GAB2: variants seen among roughly 807,000 people sequenced by gnomAD.
GAB2 encodes GRB2-associated-binding protein 2.
Under a neutral mutation model 65.5 loss-of-function variants are expected in GAB2, and 26 were observed. The ratio of observed to expected loss-of-function variants is 0.40; its 90% CI spans 0.29 to 0.55. The LOEUF (loss-of-function observed/expected upper bound fraction) is 0.55. GAB2 is among the 20% of genes least tolerant of loss of function. The pLI is 0.53. For synonymous variants in GAB2, 321 were observed against 329.6 expected, an observed-to-expected ratio of 0.97 and a Z score of 0.28; for missense variants, 884 against 875.8, an observed-to-expected ratio of 1.01 and a Z score of -0.12.
chr11:78,329,338 A>G (rs1037776011), intron 1 of GAB2, among the ~76,000 whole-genome samples: 2 of 152,170 alleles, frequency 1.3e-5, no homozygotes, highest in Admixed American at 6.5e-5. Context: ...ACTTTTTACA[A>G]GAGTACAGAT....
At chr11:78,346,462 A>C (rs1380004140) in intron 1 of GAB2, among the ~76,000 whole-genome samples, 3 of 152,036 alleles carry the variant, frequency 2.0e-5, no homozygotes, top group South Asian at 4.2e-4. Context: ...AGGAAATCGA[A>C]CTTCATAGAG....
chr11:78,220,392 G>A lies in GAB2; in HGVS notation c.1814C>T (p.Pro605Leu). 1 of 1,607,520 alleles carries A rather than the reference G, an allele frequency of 6.2e-7. No homozygotes were observed. Residue 605 changes from proline to leucine, a missense_variant, in exon 9 of 10, where the codon CCT becomes CTT. Physicochemically the swap from Pro to Leu is moderately conservative, Grantham distance 98. Coordinates refer to ENST00000361507, the MANE Select transcript of GAB2 (RefSeq NM_080491.3). The part of the protein sequence containing the change: ...PVPSGTNSPA[P>L]KKSTGSVDYL... Reference sequence around the variant, plus strand: ...ATCAACGCTGCCGGTGCTCTTCTTAGGGGCAGGACTGTTCGTGCCACTGGG... The same window carrying A: ...ATCAACGCTGCCGGTGCTCTTCTTAAGGGCAGGACTGTTCGTGCCACTGGG...
chr11:78,349,914 G>A (rs1254375716), intron 1 of GAB2, among the ~76,000 whole-genome samples: 1 of 150,204 alleles, frequency 6.7e-6, no homozygotes, highest in African/African-American at 2.5e-5. Context: ...GATCACAGAT[G>A]ACAGAGGTAA....
intron 3 of GAB2, among the ~76,000 whole-genome samples, chr11:78,244,287 A>C (rs1469445922): frequency 6.6e-6 from 1 of 151,962 alleles, no homozygotes; most frequent in Non-Finnish European, 1.5e-5. Context: ...AGCTGCTCAA[A>C]AGGCTAAGCC....
At position 78,383,374 on chromosome 11, in the gene GAB2, T is replaced by G. The variant is rs1029215538; in HGVS notation, c.75+34272A>C. ...ATTTCCATGAAAAGTAGGCATAAGATAAAAAATTCATTAATTCAAACACTG... is the reference window on the plus strand; with the variant it reads ...ATTTCCATGAAAAGTAGGCATAAGAGAAAAAATTCATTAATTCAAACACTG... On this transcript the variant is annotated intron_variant, in intron 1 of 9. Coordinates refer to ENST00000361507, the MANE Select transcript of GAB2 (RefSeq NM_080491.3). 1.9e-4 allele frequency among the ~76,000 whole-genome samples: 29 copies of G among 151,740 alleles called. 1 individual carries two copies. Among genetic ancestry groups the G allele is most frequent in the African/African-American group, 6.8e-4 (28 of 41,302 alleles).
chr11:78,312,881 A>C (rs1855530192), intron 1 of GAB2, among the ~76,000 whole-genome samples: 1 of 152,188 alleles, frequency 6.6e-6, no homozygotes, highest in African/African-American at 2.4e-5. Flanking sequence ...CGTGTCTCAG[A>C]AAAGTACTGA....
At chr11:78,312,656 T>C (rs531749381) in intron 1 of GAB2, among the ~76,000 whole-genome samples, 82 of 152,250 alleles carry the variant, frequency 5.4e-4, no homozygotes, top group Middle Eastern at 6.8e-3. Context: ...CATGAACTCC[T>C]GACCTCAGGC....
At position 78,275,654 on chromosome 11, in the gene GAB2, C is replaced by G. The variant is rs551054866; in HGVS notation, c.376+4947G>C. Among the ~76,000 whole-genome samples the G allele has an allele frequency of 3.9e-5, 6 of 152,266 alleles. No homozygotes were observed. In the East Asian group the frequency reaches 7.7e-4, roughly 20 times the overall value. ...TTAAACCTCTATCACAGATGATATT[C>G]TTGCTCTGATAATTAGAACACTAGA... On this transcript the variant is annotated intron_variant, in intron 2 of 9. Transcript: ENST00000361507.
intron 1 of GAB2, among the ~76,000 whole-genome samples, chr11:78,403,775 G>C (rs1360635992): frequency 6.6e-6 from 1 of 152,156 alleles, no homozygotes; most frequent in Non-Finnish European, 1.5e-5. Context: ...CACAGCAAAG[G>C]AAACAATTAA....
chr11:78,407,243 G>A (rs1857056240), intron 1 of GAB2, among the ~76,000 whole-genome samples: 2 of 152,250 alleles, frequency 1.3e-5, no homozygotes, highest in South Asian at 4.1e-4. Context: ...GGTTTAGTGA[G>A]TTCCAAACAG....
intron 3 of GAB2, among the ~76,000 whole-genome samples, chr11:78,236,647 T>C (rs368737863): frequency 6.6e-6 from 1 of 152,244 alleles, no homozygotes; most frequent in Non-Finnish European, 1.5e-5. Flanking sequence ...CCTCAATTCA[T>C]AGTTTGCTAA....
rs143901315 is a variant in GAB2, at chr11:78,268,666, G to A, written c.376+11935C>T. ...ATGCTCCCAAGTCTAACAGTCTTTG[G>A]GTTTTGGCAGGTAACACTAGACTAT... On this transcript the variant is annotated intron_variant, in intron 2 of 9. Coordinates refer to ENST00000361507, the MANE Select transcript of GAB2 (RefSeq NM_080491.3). 9.2e-4 allele frequency among the ~76,000 whole-genome samples: 140 copies of A among 151,888 alleles called. 1 individual carries two copies. Among genetic ancestry groups the A allele is most frequent in the African/African-American group, 3.3e-3 (135 of 41,420 alleles).
intron 1 of GAB2, among the ~76,000 whole-genome samples, chr11:78,334,358 T>C (rs1855964141): frequency 6.6e-6 from 1 of 152,212 alleles, no homozygotes; most frequent in Admixed American, 6.5e-5. Flanking sequence ...ATTCTTTCTA[T>C]TTTACTTTTG....
intron 1 of GAB2, among the ~76,000 whole-genome samples, chr11:78,336,569 G>A (rs1308887667): frequency 1.3e-5 from 2 of 151,528 alleles, no homozygotes; most frequent in Non-Finnish European, 2.9e-5. Flanking sequence ...TTCCTGGGAG[G>A]AGGGATAATT....
intron 1 of GAB2, among the ~76,000 whole-genome samples, chr11:78,389,369 C>T (rs1856805916): frequency 6.6e-6 from 1 of 150,916 alleles, no homozygotes; most frequent in South Asian, 2.1e-4. Context: ...TGCAATGGCA[C>T]AATCTCGGCT....
At chr11:78,395,097 G>A (rs1856879171) in intron 1 of GAB2, among the ~76,000 whole-genome samples, 1 of 152,184 alleles carries the variant, frequency 6.6e-6, no homozygotes, top group African/African-American at 2.4e-5. Flanking sequence ...AAATATCAGA[G>A]AGAGACTGTA....
intron 1 of GAB2, chr11:78,363,960 C>G (rs1856466736): frequency 6.6e-6 from 1 of 151,948 alleles, no homozygotes. Flanking sequence ...GTGAAAGTAC[C>G]CACAGACCTA....
chr11:78,304,696 TA>T (rs1855315016), intron 1 of GAB2, among the ~76,000 whole-genome samples: 1 of 152,228 alleles, frequency 6.6e-6, no homozygotes, highest in African/African-American at 2.4e-5. Context: ...TGCCAATAGC[TA>T]CCTGCAGCCT....
rs750289098 is a variant in GAB2 at position 78,226,503 on chromosome 11, T to C, written c.1169A>G (p.Asn390Ser). Residue 390 changes from asparagine (N) to serine (S), a missense_variant, in exon 4 of 10, where the codon AAC becomes AGC. Transcript: ENST00000361507. ...GCTGTTGTCCATTGCAGGGAGGGTG[T>C]TGCGTCTGGGGATGGTGGCAGCGAC... Reference protein sequence around the residue: ...RSVAATIPRRNTLPAMDNSRL... With the variant: ...RSVAATIPRRSTLPAMDNSRL... 2.0e-5 allele frequency: 33 copies of C among 1,613,218 alleles called. No homozygotes were observed. The highest frequency in any genetic ancestry group is 2.7e-5 in the Non-Finnish European group (32 of 1,179,678).
Sources: gnomAD v4.1 joint callset for allele counts (sites outside exome capture counted in the v4.1 genomes callset) on GRCh38, gnomAD v4.1.1 for gene constraint, MANE v1.5 for transcripts, NCBI Gene and HGNC (gene_info 2026-07-23, HGNC 2026-07-21) for gene names.